The following EVI2B variants were observed in gnomAD, a reference collection of about 807,000 sequenced individuals.
EVI2B encodes ecotropic viral integration site 2B.
EVI2B carries 4 observed loss-of-function variants against 6.6 expected under a neutral mutation model. That is an observed-to-expected ratio of 0.61 (90% CI 0.30 to 1.39). The LOEUF (loss-of-function observed/expected upper bound fraction) is 1.39, where lower values mean the gene tolerates loss of function less well. EVI2B is among the 40% of genes most tolerant of loss of function. EVI2B has a pLI of 0.08. For synonymous variants in EVI2B, 181 were observed against 186.8 expected (o/e 0.97, Z 0.25); for missense variants, 484 against 516.6 (o/e 0.94, Z 0.61).
chr17:31,313,722 A>ATGTGTGTGTGTGTG (rs60267436), intron 1 of EVI2B, among the ~76,000 whole-genome samples: 27 of 139,054 alleles, frequency 1.9e-4, no homozygotes, highest in African/African-American at 6.3e-4. Context: ...AAAAAAAAAT[A>ATGTGTGTGTGTGTG]TGTGTGTGTG....
At chr17:31,312,186 T>C (rs2068892480) in intron 1 of EVI2B, among the ~76,000 whole-genome samples, 1 of 152,042 alleles carries the variant, frequency 6.6e-6, no homozygotes, top group South Asian at 2.1e-4. Flanking sequence ...GCACTACTAG[T>C]AAACTTTAGA....
intron 1 of EVI2B, among the ~76,000 whole-genome samples, chr17:31,310,249 A>T (rs1479192396): frequency 1.3e-5 from 2 of 152,216 alleles, no homozygotes; most frequent in African/African-American, 4.8e-5. Context: ...AGAAATACAA[A>T]ATAACACAAA....
intron 1 of EVI2B, among the ~76,000 whole-genome samples, chr17:31,310,578 T>G (rs1041277867): frequency 6.6e-6 from 1 of 152,116 alleles, no homozygotes; most frequent in Non-Finnish European, 1.5e-5. Context: ...CCTTTCAAAT[T>G]CATTTACCTT....
intron 1 of EVI2B, among the ~76,000 whole-genome samples, chr17:31,310,072 G>A (rs1597807233): frequency 1.3e-5 from 2 of 152,194 alleles, no homozygotes; most frequent in African/African-American, 2.4e-5. Context: ...TTTTCCCAGC[G>A]GTAATGAGGC....
At chr17:31,307,222 G>A (rs747317792) in intron 1 of EVI2B, among the ~76,000 whole-genome samples, 3 of 151,306 alleles carry the variant, frequency 2.0e-5, no homozygotes, top group Admixed American at 6.6e-5. Flanking sequence ...GGGTTTCACC[G>A]TGTTGGCCAG....
intron 1 of EVI2B, among the ~76,000 whole-genome samples, chr17:31,309,979 G>A (rs548041505): frequency 2.0e-5 from 3 of 152,236 alleles, no homozygotes; most frequent in South Asian, 4.1e-4. Context: ...TTCTATGATG[G>A]CAATTCAGTG....
At chr17:31,306,804 A>G (rs956164872) in intron 1 of EVI2B, among the ~76,000 whole-genome samples, 4 of 151,926 alleles carry the variant, frequency 2.6e-5, no homozygotes, top group African/African-American at 9.7e-5. Context: ...GATTAAAAAA[A>G]AAAAAAAAAG....
Position 31,304,717 on chromosome 17 carries a change from A to T in EVI2B, c.893T>A (p.Ile298Asn). ...EIKLFESSEN[I>N]EDSNNPKTEK... is the part of the protein sequence containing the mutation. The stretch of plus-strand genomic sequence containing the variant: ...TGTTTTGGGGTTGTTGGAGTCTTCA[A>T]TGTTTTCACTTGATTCAAACAACTT... The change falls in exon 2 of 2, where the codon ATT becomes AAT. Residue 298 changes from isoleucine (I) to asparagine (N), a missense_variant. Coordinates refer to ENST00000330927, the MANE Select transcript of EVI2B (RefSeq NM_006495.4). The T allele has an allele frequency of 6.2e-7, 1 of 1,614,154 alleles. No individual in the cohort carries two copies. Among genetic ancestry groups the T allele is most frequent in the Non-Finnish European group, 8.5e-7 (1 of 1,180,018 alleles).
At position 31,305,053 on chromosome 17, in the gene EVI2B, A is replaced by G. The variant is rs771413444; in HGVS notation, c.557T>C (p.Leu186Ser). 1.3e-5 allele frequency: 21 copies of G among 1,614,106 alleles called. No individual in the cohort carries two copies. Among genetic ancestry groups the G allele is most frequent in the Non-Finnish European group, 1.6e-5 (19 of 1,180,030 alleles). ...GGTTTGTTTGTTACTGGTAGTATCT[A>G]AGATAAATCCTGGTGTACTCCTAGG... is the stretch of plus-strand genomic sequence containing the variant. ...NSPRSTPGFI[L>S]DTTSNKQTPQ... The change falls in exon 2 of 2, where the codon TTA becomes TCA. Residue 186 changes from leucine (L) to serine (S), a missense_variant. Leu to Ser is a moderately radical substitution (Grantham distance 145). Transcript: ENST00000330927.
At chr17:31,313,215 G>C (rs1161396420) in intron 1 of EVI2B, among the ~76,000 whole-genome samples, 1 of 151,854 alleles carries the variant, frequency 6.6e-6, no homozygotes, top group Non-Finnish European at 1.5e-5. Flanking sequence ...CAAACTAAAG[G>C]GGATACAAAA....
chr17:31,309,985 C>T (rs1286630074), intron 1 of EVI2B, among the ~76,000 whole-genome samples: 1 of 152,096 alleles, frequency 6.6e-6, no homozygotes, highest in East Asian at 1.9e-4. Context: ...GATGGCAATT[C>T]AGTGTAGTCC....
rs1344280904 is a variant in EVI2B, at chr17:31,304,299, A to C, written c.1311T>G (p.Asn437Lys). The part of the protein sequence containing the change: ...SIPPNSDQDL[N>K]ESLPPPPAEL... ...CTGCAGGTGGAGGTGGCAGGGATTC[A>C]TTAAGATCTTGATCAGAGTTGGGAG... is the stretch of plus-strand genomic sequence containing the variant. The change falls in exon 2 of 2, where the codon AAT (asparagine) becomes AAG (lysine). Residue 437 changes from asparagine to lysine, a missense_variant. By Grantham distance (94) the Asn-to-Lys change is moderately conservative. Coordinates refer to ENST00000330927, the MANE Select transcript of EVI2B (RefSeq NM_006495.4). The C allele has an allele frequency of 6.2e-7, 1 of 1,613,388 alleles. No individual in the cohort carries two copies. The highest frequency in any genetic ancestry group is 1.1e-5 in the South Asian group (1 of 90,952).
At chr17:31,310,978 A>T (rs1484038494) in intron 1 of EVI2B, among the ~76,000 whole-genome samples, 1 of 140,836 alleles carries the variant, frequency 7.1e-6, no homozygotes, top group Non-Finnish European at 1.5e-5. Context: ...ACAGGGTCTC[A>T]CTCTGTCACC....
Position 31,304,748 on chromosome 17 carries a change from C to CT in EVI2B, c.861dup (p.Glu288ArgfsTer3), listed in dbSNP as rs760857129. 1 of 1,614,134 alleles carries CT rather than the reference C, an allele frequency of 6.2e-7. No individual in the cohort carries two copies. The highest frequency in any genetic ancestry group is 8.5e-7 in the Non-Finnish European group (1 of 1,180,012). ...TCACTTGATTCAAACAACTTAATTTCTAAGTCATCTGCTAAAAGTGTGCTT... is the reference window on the plus strand; with the variant it reads ...TCACTTGATTCAAACAACTTAATTTCTTAAGTCATCTGCTAAAAGTGTGCTT... On this transcript the variant is annotated frameshift_variant, in exon 2 of 2. Coordinates refer to ENST00000330927, the MANE Select transcript of EVI2B (RefSeq NM_006495.4). LOFTEE classifies it high-confidence loss of function.
chr17:31,306,022 G>A (rs1483218014), intron 1 of EVI2B, among the ~76,000 whole-genome samples: 1 of 151,996 alleles, frequency 6.6e-6, no homozygotes, highest in Non-Finnish European at 1.5e-5. Context: ...TTTTCTACTA[G>A]AAATATATTG....
At position 31,305,594 on chromosome 17, in the gene EVI2B, A is replaced by C; in HGVS notation, c.16T>G (p.Phe6Val). Reference sequence around the variant, plus strand: ...TGTCCACAAAACAAAATTAAGATGAAATATTTGGGATCCATTTCAGAATAT... The same window carrying C: ...TGTCCACAAAACAAAATTAAGATGACATATTTGGGATCCATTTCAGAATAT... MDPKY[F>V]ILILFCGHLN... Residue 6 changes from phenylalanine (F) to valine (V), a missense_variant, in exon 2 of 2, where the codon TTC (phenylalanine) becomes GTC (valine). Transcript: ENST00000330927. The C allele has an allele frequency of 1.2e-6, 2 of 1,612,508 alleles. No individual in the cohort carries two copies. The highest frequency in any genetic ancestry group is 1.7e-6 in the Non-Finnish European group (2 of 1,179,240).
Position 31,307,925 on chromosome 17 carries a change from C to T in EVI2B, c.-21-2295G>A, listed in dbSNP as rs115218357. On this transcript the variant is annotated intron_variant, in intron 1 of 1. Coordinates refer to ENST00000330927, the MANE Select transcript of EVI2B (RefSeq NM_006495.4). ...CTAAACAGCATATCATTGCTTACTCCTCTACCACTTGGTACACAGTGATGA... is the reference window on the plus strand; with the variant it reads ...CTAAACAGCATATCATTGCTTACTCTTCTACCACTTGGTACACAGTGATGA... The T allele has an allele frequency of 7.8e-4, 1,002 of 1,289,044 alleles. 7 individuals carry two copies. The African/African-American group carries it at 0.014, about 18-fold the overall frequency. The allele number at this position is 1,289,044 out of a possible 1,614,324, so 79.9% of individuals were successfully genotyped here. A position where few individuals can be genotyped will look rare whatever the true frequency, so the allele number is the denominator to read the frequency against.
At chr17:31,309,420 C>T (rs2068810761) in intron 1 of EVI2B, among the ~76,000 whole-genome samples, 1 of 152,116 alleles carries the variant, frequency 6.6e-6, no homozygotes, top group South Asian at 2.1e-4. Flanking sequence ...AAAATTTGAA[C>T]ACTTTTGGCA....
chr17:31,307,597 C>G (rs1307054770), intron 1 of EVI2B, among the ~76,000 whole-genome samples: 1 of 152,168 alleles, frequency 6.6e-6, no homozygotes, highest in Non-Finnish European at 1.5e-5. Flanking sequence ...AACTACCTGT[C>G]TAACCATGAG....
Sources: allele counts gnomAD v4.1 joint callset (sites outside exome capture counted in the v4.1 genomes callset), GRCh38; gene constraint gnomAD v4.1.1; transcripts MANE v1.5; gene names NCBI Gene and HGNC (gene_info 2026-07-23, HGNC 2026-07-21).